Variants in NAMPT observed in about 807,000 individuals in gnomAD.
NAMPT encodes NAmPRTase.
Under a neutral mutation model 58.7 loss-of-function variants are expected in NAMPT, and 7 were observed. That is an observed-to-expected ratio of 0.12 (90% CI 0.07 to 0.22). The LOEUF (loss-of-function observed/expected upper bound fraction) is 0.22. Among genes scored for constraint, NAMPT ranks in the 10% least tolerant of loss-of-function variants. The pLI, the probability that NAMPT is intolerant of heterozygous loss-of-function variation, is 1.00. For synonymous variants in NAMPT, 145 were observed against 198.1 expected (o/e 0.73, Z 2.25); for missense variants, 271 against 567.9 (o/e 0.48, Z 5.31).
At chr7:106,258,966 G>A (rs141555593) in intron 8 of NAMPT, among the ~76,000 whole-genome samples, 18 of 152,278 alleles carry the variant, frequency 1.2e-4, no homozygotes, top group East Asian at 7.7e-4. Flanking sequence ...GTACGATAGC[G>A]TTCACCCACA....
At chr7:106,267,613 A>T (rs371739400) in intron 6 of NAMPT, among the ~76,000 whole-genome samples, 1 of 151,840 alleles carries the variant, frequency 6.6e-6, no homozygotes, top group African/African-American at 2.4e-5. Flanking sequence ...AGGCCGAGGC[A>T]GGCGGATCAC....
intron 4 of NAMPT, 58 bp from the exon 5 acceptor site, chr7:106,269,370 G>T: frequency 6.8e-7 from 1 of 1,468,812 alleles, no homozygotes; most frequent in Non-Finnish European, 9.2e-7. Context: ...TTCTTTCTGA[G>T]GAAAATCCTA....
intron 4 of NAMPT, chr7:106,271,728 C>T (rs191233057): frequency 6.6e-6 from 1 of 152,194 alleles, no homozygotes; most frequent in East Asian, 1.9e-4. Context: ...ATAAGTGAGC[C>T]TCAAATGTAC....
At chr7:106,270,233 A>C (rs1232859133) in intron 4 of NAMPT, 3 of 376,132 alleles carry the variant, frequency 8.0e-6, no homozygotes, top group East Asian at 1.8e-4. Flanking sequence ...CTTCATTCTA[A>C]GATCATAATT....
chr7:106,254,993 CAA>C (rs1792173507), intron 8 of NAMPT, among the ~76,000 whole-genome samples: 1 of 152,082 alleles, frequency 6.6e-6, no homozygotes, highest in South Asian at 2.1e-4. Flanking sequence ...ATATTGGTGG[CAA>C]AAGAGTATAA....
chr7:106,262,453 A>G (rs1586016202), intron 7 of NAMPT, among the ~76,000 whole-genome samples: 1 of 152,112 alleles, frequency 6.6e-6, no homozygotes, highest in East Asian at 1.9e-4. Context: ...AGCTGTGTAC[A>G]TTTTTTATTA....
chr7:106,276,929 T>C, intron 2 of NAMPT, 94 bp downstream of exon 2: 2 of 1,006,096 alleles, frequency 2.0e-6, no homozygotes, highest in Non-Finnish European at 1.5e-6. Context: ...ATTTAATGCA[T>C]CCAAATTAAC....
chr7:106,248,985 G>C lies in NAMPT; in HGVS notation c.*2098C>G, dbSNP rs1293007382. 6.6e-6 allele frequency: 1 copy of C among 152,022 alleles called. No individual in the cohort carries two copies. Among genetic ancestry groups the C allele is most frequent in the East Asian group, 1.9e-4 (1 of 5,198 alleles). The allele number at this position is 152,022 out of a possible 1,614,324, so 9.4% of individuals were successfully genotyped here. A position where few individuals can be genotyped will look rare whatever the true frequency, so the allele number is the denominator to read the frequency against. On this transcript the variant is annotated 3_prime_UTR_variant, in exon 11 of 11. Coordinates refer to ENST00000222553, the MANE Select transcript of NAMPT (RefSeq NM_005746.3). ...AAATTTCTAAATTAAACTCTATTCT[G>C]AAGCTGCTGAAATTCACAGAACACA...
chr7:106,261,476 CAT>C (rs1792300002), intron 8 of NAMPT, 110 bp downstream of exon 8: 5 of 897,078 alleles, frequency 5.6e-6, no homozygotes, highest in Non-Finnish European at 5.1e-6. Flanking sequence ...TTTATACCAA[CAT>C]AAACACTTAC....
chr7:106,276,728 TC>T, intron 2 of NAMPT: 6 of 296,250 alleles, frequency 2.0e-5, no homozygotes, highest in South Asian at 1.3e-4. Context: ...TGTAATCCCA[TC>T]TACTCGGGAG....
chr7:106,273,433 GA>G (rs1039193799), intron 3 of NAMPT, among the ~76,000 whole-genome samples: 11 of 152,138 alleles, frequency 7.2e-5, no homozygotes, highest in Non-Finnish European at 1.6e-4. Context: ...TTAAATACAA[GA>G]AAAATCTGTT....
At chr7:106,281,474 G>GT (rs1792762814) in intron 1 of NAMPT, among the ~76,000 whole-genome samples, 1 of 152,114 alleles carries the variant, frequency 6.6e-6, no homozygotes, top group African/African-American at 2.4e-5. Context: ...AGCTGTATAT[G>GT]TAAGATCACA....
At chr7:106,264,553 T>A (rs1322966782) in intron 6 of NAMPT, among the ~76,000 whole-genome samples, 1 of 152,088 alleles carries the variant, frequency 6.6e-6, no homozygotes, top group African/African-American at 2.4e-5. Flanking sequence ...AATGCTCCAA[T>A]GAGCATTTCC....
intron 4 of NAMPT, chr7:106,272,083 A>G: frequency 2.6e-6 from 1 of 382,356 alleles, no homozygotes; most frequent in South Asian, 2.0e-5. Context: ...GAAAAGTAAC[A>G]GATGGTAGAT....
rs908563211 is a variant in NAMPT at position 106,251,206 on chromosome 7, A to G, written c.1366-13T>C. On this transcript the variant is annotated splice_polypyrimidine_tract_variant and intron_variant, in intron 10 of 10. Coordinates refer to ENST00000222553, the MANE Select transcript of NAMPT (RefSeq NM_005746.3). ...TATGGAGAAGATCCTGCATAAATGG[A>G]AATTTCATGATTATATTACATTATT... 1 of 1,521,012 alleles carries G rather than the reference A, an allele frequency of 6.6e-7. No individual in the cohort carries two copies. Among genetic ancestry groups the G allele is most frequent in the Admixed American group, 1.7e-5 (1 of 59,538 alleles). The allele number at this position is 1,521,012 out of a possible 1,614,324, so 94.2% of individuals were successfully genotyped here. A position where few individuals can be genotyped will look rare whatever the true frequency, so the allele number is the denominator to read the frequency against.
At chr7:106,263,081 A>G (rs568269039) in intron 7 of NAMPT, 3 of 326,678 alleles carry the variant, frequency 9.2e-6, no homozygotes, top group South Asian at 9.2e-5. Flanking sequence ...CAAACTGCAA[A>G]TAAGTTTGGT....
rs1242156679 is a variant in NAMPT at position 106,248,911 on chromosome 7, C to T, written c.*2172G>A. ...GACTAAGAGCCAATAGAATTAATCTCCATCTCCTGATTTATGGTTGTGAAC... is the reference window on the plus strand; with the variant it reads ...GACTAAGAGCCAATAGAATTAATCTTCATCTCCTGATTTATGGTTGTGAAC... On this transcript the variant is annotated 3_prime_UTR_variant, in exon 11 of 11. Transcript: ENST00000222553. 1 of 152,058 alleles carries T rather than the reference C, an allele frequency of 6.6e-6. No homozygotes were observed. Among genetic ancestry groups the T allele is most frequent in the East Asian group, 1.9e-4 (1 of 5,198 alleles). The allele number at this position is 152,058 out of a possible 1,614,324, so 9.4% of individuals were successfully genotyped here.
intron 1 of NAMPT, 166 bp downstream of exon 1, chr7:106,284,662 A>T: frequency 2.6e-6 from 2 of 777,056 alleles, no homozygotes; most frequent in Non-Finnish European, 3.3e-6. Flanking sequence ...GCGCCTCCTC[A>T]CCTGCCCCAG....
At chr7:106,274,229 T>C (rs1351836230) in intron 3 of NAMPT, among the ~76,000 whole-genome samples, 1 of 152,028 alleles carries the variant, frequency 6.6e-6, no homozygotes, top group Non-Finnish European at 1.5e-5. Context: ...ACAGCATCTA[T>C]TTTCAGTCAA....
Sources: allele counts gnomAD v4.1 joint callset (sites outside exome capture counted in the v4.1 genomes callset), GRCh38; gene constraint gnomAD v4.1.1; transcripts MANE v1.5; gene names NCBI Gene and HGNC (gene_info 2026-07-23, HGNC 2026-07-21).